The following DDX47 variants were observed in gnomAD, a reference collection of about 807,000 sequenced individuals.
DDX47 encodes DEAD-box helicase 47, also known as probable ATP-dependent RNA helicase DDX47.
DDX47 carries 60 observed loss-of-function variants against 58.8 expected under a neutral mutation model. That is an observed-to-expected ratio of 1.02 (90% CI 0.83 to 1.26). DDX47 has a LOEUF of 1.26. Ranked by LOEUF, DDX47 falls within the 50% of genes most tolerant of loss-of-function variation. The pLI is 0.00. For synonymous variants in DDX47, 197 were observed against 204.6 expected (o/e 0.96, Z 0.32); for missense variants, 530 against 573.2 (o/e 0.92, Z 0.77).
rs1214746339 is a variant in DDX47 at position 12,824,302 on chromosome 12, A to T, written c.898-238A>T. On this transcript the variant is annotated intron_variant, in intron 8 of 11. Coordinates refer to ENST00000358007, the MANE Select transcript of DDX47 (RefSeq NM_016355.4). ...GACTCTGGCCTCTAAAAACATTAAT[A>T]AATTATTTCCCAGTTACCTTTCTAT... 5.3e-6 allele frequency: 3 copies of T among 562,608 alleles called. No individual in the cohort carries two copies. The African/African-American group carries it at 5.8e-5, about 11-fold the overall frequency. 34.9% of individuals were successfully genotyped at this position (562,608 alleles called of 1,614,324 possible).
intron 2 of DDX47, among the ~76,000 whole-genome samples, chr12:12,818,853 A>T (rs1862932422): frequency 6.6e-6 from 1 of 152,208 alleles, no homozygotes; most frequent in Non-Finnish European, 1.5e-5. Context: ...ATCAGATCTC[A>T]TGAGATTTAT....
intron 2 of DDX47, among the ~76,000 whole-genome samples, chr12:12,816,880 G>A (rs985002785): frequency 1.3e-5 from 2 of 152,198 alleles, no homozygotes; most frequent in Non-Finnish European, 2.9e-5. Flanking sequence ...CAGTGTAGGT[G>A]AGAAGGAGTC....
chr12:12,824,424 T>A lies in DDX47; in HGVS notation c.898-116T>A, dbSNP rs546291679. The A allele has an allele frequency of 3.6e-4, 426 of 1,194,818 alleles. 4 individuals carry two copies. The South Asian group carries it at 6.4e-3, about 18-fold the overall frequency. 74.0% of individuals were successfully genotyped at this position (1,194,818 alleles called of 1,614,324 possible). A position where few individuals can be genotyped will look rare whatever the true frequency, so the allele number is the denominator to read the frequency against. ...GACCTGTGAAGCCCCATTCAAAACT[T>A]AGGGGGAAAAACCTTTAAAAAATTT... On this transcript the variant is annotated intron_variant, in intron 8 of 11. Transcript: ENST00000358007.
At position 12,827,336 on chromosome 12, in the gene DDX47, G is replaced by A. The variant is rs776693468; in HGVS notation, c.1197G>A (p.Leu399=). The A allele has an allele frequency of 2.4e-5, 38 of 1,614,056 alleles. No individual in the cohort carries two copies. The Admixed American group carries it at 6.0e-4, about 25-fold the overall frequency. ...CACAGGATGATGAGGTTATGATGCT[G>A]ACAGAACGCGTCGCTGAAGCCCAAA... The part of the protein sequence containing the change: ...FPTQDDEVMM[L]TERVAEAQRF... Residue 399 remains leucine (L), a synonymous_variant, in exon 11 of 12, where the codon CTG becomes CTA. Coordinates refer to ENST00000358007, the MANE Select transcript of DDX47 (RefSeq NM_016355.4).
At chr12:12,825,841 G>C (rs1251255189) in intron 9 of DDX47, among the ~76,000 whole-genome samples, 159 bp from the exon 10 acceptor site, 1 of 152,192 alleles carries the variant, frequency 6.6e-6, no homozygotes, top group Non-Finnish European at 1.5e-5. Flanking sequence ...AAAAGATGAA[G>C]TAGATTTGTC....
In DDX47 at chr12:12,824,108, A is replaced by G. The variant is rs186206337; in HGVS notation, c.897+92A>G. The G allele has an allele frequency of 1.8e-3, 2,578 of 1,398,174 alleles. 5 individuals are homozygous for G. Among genetic ancestry groups the G allele is most frequent in the Non-Finnish European group, 2.2e-3 (2,330 of 1,038,530 alleles). The allele number at this position is 1,398,174 out of a possible 1,614,324, so 86.6% of individuals were successfully genotyped here. A position where few individuals can be genotyped will look rare whatever the true frequency, so the allele number is the denominator to read the frequency against. ...GGTTTGTACAATAAGGCCATAGGGC[A>G]CCGATGCCTGTTTCCATAATTGTTG... is the stretch of plus-strand genomic sequence containing the variant. On this transcript the variant is annotated intron_variant, in intron 8 of 11. Coordinates refer to ENST00000358007, the MANE Select transcript of DDX47 (RefSeq NM_016355.4).
chr12:12,817,612 T>C (rs1862915165), intron 2 of DDX47, among the ~76,000 whole-genome samples: 1 of 152,244 alleles, frequency 6.6e-6, no homozygotes, highest in South Asian at 2.1e-4. Context: ...TATTAGTGGC[T>C]GCCATATAGC....
rs762848552 is a variant in DDX47 at position 12,821,744 on chromosome 12, GTAAAA to G, written c.442+19_442+23del. 106 of 1,583,028 alleles carry G rather than the reference GTAAAA, an allele frequency of 6.7e-5. No homozygotes were observed. Among genetic ancestry groups the G allele is most frequent in the Non-Finnish European group, 7.5e-5 (86 of 1,152,124 alleles). On this transcript the variant is annotated intron_variant, in intron 4 of 11. Transcript: ENST00000358007. ...AATAATAGGTGAGTAACTGACAAAG[GTAAAA>G]GACACTGGCAGTGATGAATTGGAGA...
intron 9 of DDX47, among the ~76,000 whole-genome samples, chr12:12,825,518 T>C (rs1016293725): frequency 3.3e-5 from 5 of 152,300 alleles, no homozygotes; most frequent in African/African-American, 1.2e-4. Context: ...TTGTGTCTCT[T>C]GTCTTTGTAT....
chr12:12,827,366 T>A lies in DDX47; in HGVS notation c.1227T>A (p.Phe409Leu). The change falls in exon 11 of 12, where the codon TTT becomes TTA. Residue 409 changes from phenylalanine to leucine, a missense_variant. Phe to Leu is a conservative substitution (Grantham distance 22). Transcript: ENST00000358007. ...LTERVAEAQR[F>L]ARMELREHGE... The stretch of plus-strand genomic sequence containing the variant: ...AACGCGTCGCTGAAGCCCAAAGGTT[T>A]GCCCGAATGGTATGCATCTTTCTTT... 6.2e-7 allele frequency: 1 copy of A among 1,614,148 alleles called. No homozygotes were observed. The highest frequency in any genetic ancestry group is 8.5e-7 in the Non-Finnish European group (1 of 1,180,006).
At chr12:12,815,049 G>A (rs2136417687) in intron 2 of DDX47, among the ~76,000 whole-genome samples, 1 of 152,260 alleles carries the variant, frequency 6.6e-6, no homozygotes, top group East Asian at 1.9e-4. Flanking sequence ...AACTTTACAG[G>A]ATTAGGGTGG....
rs112649802 is a variant in DDX47, at chr12:12,814,160, T to C, written c.117T>C (p.Cys39=). The C allele has an allele frequency of 1.2e-6, 2 of 1,613,930 alleles. No homozygotes were observed. Among genetic ancestry groups the C allele is most frequent in the Non-Finnish European group, 1.7e-6 (2 of 1,179,818 alleles). The change falls in exon 2 of 12, where the codon TGT becomes TGC. Residue 39 remains cysteine (C), a synonymous_variant. Transcript: ENST00000358007. The part of the protein sequence containing the change: ...LGVTDVLCEA[C]DQLGWTKPTK... ...TGACAGATGTGTTGTGTGAAGCTTGTGACCAGTTGGGATGGACAAAACCCA... is the reference window on the plus strand; with the variant it reads ...TGACAGATGTGTTGTGTGAAGCTTGCGACCAGTTGGGATGGACAAAACCCA...
intron 11 of DDX47, among the ~76,000 whole-genome samples, chr12:12,827,873 T>TC (rs1317296990): frequency 2.1e-5 from 3 of 139,670 alleles, no homozygotes; most frequent in South Asian, 2.6e-4. Context: ...ACTTTTCTTT[T>TC]TTCTTTTTTT....
intron 2 of DDX47, among the ~76,000 whole-genome samples, chr12:12,819,499 T>C (rs1862939776): frequency 6.6e-6 from 1 of 152,182 alleles, no homozygotes. Flanking sequence ...AGTGGTAGGA[T>C]ACTCATGGCT....
chr12:12,815,405 C>G (rs1298767081), intron 2 of DDX47, among the ~76,000 whole-genome samples: 2 of 152,164 alleles, frequency 1.3e-5, no homozygotes, highest in Non-Finnish European at 2.9e-5. Flanking sequence ...GGTTAACAGT[C>G]TGTCCTCTCC....
chr12:12,827,182 GT>G, intron 10 of DDX47, 63 bp from the exon 11 acceptor site: 1 of 1,574,300 alleles, frequency 6.4e-7, no homozygotes, highest in Non-Finnish European at 8.6e-7. Context: ...TATAATAATA[GT>G]TTGGGAATGG....
intron 2 of DDX47, among the ~76,000 whole-genome samples, chr12:12,815,308 G>GT (rs1168987491): frequency 1.3e-5 from 2 of 152,194 alleles, no homozygotes; most frequent in Non-Finnish European, 2.9e-5. Flanking sequence ...GAGCTGTCAT[G>GT]TGGAAAAGGG....
At chr12:12,826,142 C>A in intron 10 of DDX47, 72 bp downstream of exon 10, 4 of 1,262,364 alleles carry the variant, frequency 3.2e-6, no homozygotes, top group Non-Finnish European at 4.5e-6. Context: ...GGCTGAGAAC[C>A]TGACACTACC....
At position 12,827,244 on chromosome 12, in the gene DDX47, AG is replaced by A; in HGVS notation, c.1107del. 1 of 1,612,862 alleles carries A rather than the reference AG, an allele frequency of 6.2e-7. No individual in the cohort carries two copies. The highest frequency in any genetic ancestry group is 1.1e-5 in the South Asian group (1 of 90,708). ...CAGAGCTGTGCAGTTTTCCTTCCTC[AG>A]GTATGATGTGGAACTCTTCCAGCGC... is the stretch of plus-strand genomic sequence containing the variant. On this transcript the variant is annotated splice_acceptor_variant, in intron 10 of 11. Coordinates refer to ENST00000358007, the MANE Select transcript of DDX47 (RefSeq NM_016355.4). LOFTEE classifies it high-confidence loss of function.
Sources: allele counts gnomAD v4.1 joint callset (sites outside exome capture counted in the v4.1 genomes callset), GRCh38; gene constraint gnomAD v4.1.1; transcripts MANE v1.5; gene names NCBI Gene and HGNC (gene_info 2026-07-23, HGNC 2026-07-21).